Variants in RGS17 observed in about 807,000 individuals in gnomAD.
The protein encoded by RGS17 is regulator of G-protein signaling 17.
In RGS17, 12 loss-of-function variants were observed where a neutral mutation model predicts 25.5. The ratio of observed to expected loss-of-function variants is 0.47; its 90% CI spans 0.30 to 0.76. RGS17 has a LOEUF of 0.76. Ranked by LOEUF, RGS17 falls within the 30% of genes least tolerant of loss-of-function variation. The probability of loss-of-function intolerance (pLI) is 0.07; values close to 1 mark genes in which losing one functional copy is unlikely to be tolerated. For synonymous variants in RGS17, 71 were observed against 76.9 expected (o/e 0.92, Z 0.40); for missense variants, 196 against 242.2 (o/e 0.81, Z 1.27).
chr6:153,020,111 AATATATAT>A (rs1779227259), intron 4 of RGS17, among the ~76,000 whole-genome samples: 28 of 58,450 alleles, frequency 4.8e-4, no homozygotes, highest in South Asian at 8.7e-4. Flanking sequence ...AAAAAAAAAA[AATATATAT>A]ATATATATAT....
chr6:153,009,782 T>A lies in RGS17; in HGVS notation c.*1792A>T, dbSNP rs1779112914. 6.6e-6 allele frequency: 1 copy of A among 151,968 alleles called. No individual in the cohort carries two copies. Among genetic ancestry groups the A allele is most frequent in the Admixed American group, 6.5e-5 (1 of 15,268 alleles). 9.4% of individuals were successfully genotyped at this position (151,968 alleles called of 1,614,324 possible). Reference sequence around the variant, plus strand: ...ATTTTGTTTTCTACTCTGCAATTTTTAAAAAATCCCATTTTGTCAAACACT... The same window carrying A: ...ATTTTGTTTTCTACTCTGCAATTTTAAAAAAATCCCATTTTGTCAAACACT... On this transcript the variant is annotated 3_prime_UTR_variant, in exon 5 of 5. Coordinates refer to ENST00000206262, the MANE Select transcript of RGS17 (RefSeq NM_012419.5).
At chr6:153,120,878 A>C (rs1414641068) in intron 1 of RGS17, among the ~76,000 whole-genome samples, 1 of 152,116 alleles carries the variant, frequency 6.6e-6, no homozygotes, top group Non-Finnish European at 1.5e-5. Flanking sequence ...TCTATCTTTC[A>C]ATAATCCGAG....
intron 1 of RGS17, among the ~76,000 whole-genome samples, chr6:153,069,912 T>C (rs1043778339): frequency 6.6e-6 from 1 of 152,184 alleles, no homozygotes; most frequent in Non-Finnish European, 1.5e-5. Flanking sequence ...TTTAATATAA[T>C]GTATTCTCAG....
intron 1 of RGS17, among the ~76,000 whole-genome samples, chr6:153,122,299 A>T (rs1777643939): frequency 3.3e-5 from 5 of 152,182 alleles, no homozygotes. Flanking sequence ...ATCTTTTCAA[A>T]ATATTACATT....
intron 4 of RGS17, among the ~76,000 whole-genome samples, chr6:153,020,105 A>ATATATATAT (rs1469690646): frequency 4.3e-5 from 1 of 23,362 alleles, no homozygotes; most frequent in Non-Finnish European, 8.8e-5. Flanking sequence ...TATCTTAAAA[A>ATATATATAT]AAAAAAATAT....
intron 1 of RGS17, among the ~76,000 whole-genome samples, chr6:153,127,992 C>T (rs1474259385): frequency 6.6e-6 from 1 of 152,134 alleles, no homozygotes; most frequent in Non-Finnish European, 1.5e-5. Flanking sequence ...AAATGAATTT[C>T]TTTGGAAGTT....
Position 153,011,288 on chromosome 6 carries a change from T to TA in RGS17, c.*285dup, listed in dbSNP as rs1208377879. ...ACTTTGCACATGCAGTCTCTGGAGA[T>TA]ACACGAGGAGACTGTTCATAGGACT... On this transcript the variant is annotated 3_prime_UTR_variant, in exon 5 of 5. Transcript: ENST00000206262. The TA allele has an allele frequency of 1.0e-5, 3 of 298,858 alleles. No individual in the cohort carries two copies. Among genetic ancestry groups the TA allele is most frequent in the Non-Finnish European group, 1.8e-5 (3 of 162,714 alleles). 18.5% of individuals were successfully genotyped at this position (298,858 alleles called of 1,614,324 possible).
intron 4 of RGS17, among the ~76,000 whole-genome samples, chr6:153,013,827 G>C (rs886330318): frequency 6.6e-6 from 1 of 152,216 alleles, no homozygotes; most frequent in Non-Finnish European, 1.5e-5. Flanking sequence ...AGAGAGGTAA[G>C]GAAGCTGTGT....
intron 1 of RGS17, among the ~76,000 whole-genome samples, chr6:153,057,506 C>T (rs937691586): frequency 1.3e-5 from 2 of 152,122 alleles, no homozygotes; most frequent in Admixed American, 6.6e-5. Context: ...CCTCTGTTAT[C>T]AACTGGATGA....
At chr6:153,011,841 A>G in intron 4 of RGS17, 79 bp from the exon 5 acceptor site, 1 of 1,050,984 alleles carries the variant, frequency 9.5e-7, no homozygotes, top group African/African-American at 1.6e-5. Context: ...GGTTTGTGAC[A>G]TTTTAGAGAA....
In RGS17 at chr6:153,026,512, T is replaced by C. The variant is rs761548542; in HGVS notation, c.151A>G (p.Asn51Asp). 20 of 1,613,428 alleles carry C rather than the reference T, an allele frequency of 1.2e-5. No homozygotes were observed. The East Asian group carries it at 4.0e-4, about 32-fold the overall frequency. Residue 51 changes from asparagine (N) to aspartate (D), a missense_variant, in exon 3 of 5, where the codon AAT becomes GAT. Coordinates refer to ENST00000206262, the MANE Select transcript of RGS17 (RefSeq NM_012419.5). ...GTAGTGTGTGTGGGTCTTCCCGCATTTTCCCCTCTTTCTTCATTCCTCACA... is the reference window on the plus strand; with the variant it reads ...GTAGTGTGTGTGGGTCTTCCCGCATCTTCCCCTCTTTCTTCATTCCTCACA... The part of the protein sequence containing the change: ...LTVRNEERGE[N>D]AGRPTHTTKM...
At chr6:153,088,708 C>A (rs939699443) in intron 1 of RGS17, among the ~76,000 whole-genome samples, 2 of 151,928 alleles carry the variant, frequency 1.3e-5, no homozygotes, top group South Asian at 2.1e-4. Flanking sequence ...ATGAGAGATT[C>A]CTTATTTGCC....
chr6:153,105,829 G>A lies in RGS17; in HGVS notation c.-26+25295C>T, dbSNP rs533116202. Among the ~76,000 whole-genome samples, 281 of 152,296 alleles carry A rather than the reference G, an allele frequency of 1.8e-3. 1 individual carries two copies. Among genetic ancestry groups the A allele is most frequent in the African/African-American group, 6.4e-3 (266 of 41,564 alleles). On this transcript the variant is annotated intron_variant, in intron 1 of 4. Coordinates refer to ENST00000206262, the MANE Select transcript of RGS17 (RefSeq NM_012419.5). ...AGACAGGCAGAAGGAATCAGGGGAGGAGCCATGCAAAAATCTCTAGATTTC... is the reference window on the plus strand; with the variant it reads ...AGACAGGCAGAAGGAATCAGGGGAGAAGCCATGCAAAAATCTCTAGATTTC...
chr6:153,057,106 T>C (rs1776571924), intron 1 of RGS17, among the ~76,000 whole-genome samples: 1 of 151,928 alleles, frequency 6.6e-6, no homozygotes, highest in Admixed American at 6.6e-5. Flanking sequence ...AAGGGAAAAA[T>C]TAAGTCTGAA....
Position 153,076,348 on chromosome 6 carries a change from A to G in RGS17, c.-25-32305T>C, listed in dbSNP as rs573007518. Among the ~76,000 whole-genome samples, 306 of 152,288 alleles carry G rather than the reference A, an allele frequency of 2.0e-3. 1 individual carries two copies. The highest frequency in any genetic ancestry group is 3.6e-3 in the Non-Finnish European group (242 of 68,030). ...ATATTATCAACATAAGAGAAAAGAG[A>G]AATACAGAAGTTAAGAAAAACTGTA... On this transcript the variant is annotated intron_variant, in intron 1 of 4. Coordinates refer to ENST00000206262, the MANE Select transcript of RGS17 (RefSeq NM_012419.5).
chr6:153,019,247 C>T (rs1047949338), intron 4 of RGS17, among the ~76,000 whole-genome samples: 1 of 152,196 alleles, frequency 6.6e-6, no homozygotes, highest in East Asian at 1.9e-4. Flanking sequence ...GTCCTGGTAA[C>T]GACAACGCCA....
chr6:153,118,076 G>A (rs1252486672), intron 1 of RGS17, among the ~76,000 whole-genome samples: 1 of 152,214 alleles, frequency 6.6e-6, no homozygotes. Context: ...TTGTTAGGCA[G>A]AGGGAGTGGC....
At chr6:153,085,703 T>A (rs571385620) in intron 1 of RGS17, among the ~76,000 whole-genome samples, 5 of 152,222 alleles carry the variant, frequency 3.3e-5, no homozygotes, top group Non-Finnish European at 5.9e-5. Flanking sequence ...TAACGATGAA[T>A]GGCATTAATA....
intron 1 of RGS17, among the ~76,000 whole-genome samples, chr6:153,092,487 G>A (rs1248359907): frequency 6.6e-6 from 1 of 152,118 alleles, no homozygotes; most frequent in East Asian, 1.9e-4. Context: ...GAGTTAATGT[G>A]GTTGTTTTGT....
Sources: gnomAD v4.1 joint callset for allele counts (sites outside exome capture counted in the v4.1 genomes callset) on GRCh38, gnomAD v4.1.1 for gene constraint, MANE v1.5 for transcripts, NCBI Gene and HGNC (gene_info 2026-07-23, HGNC 2026-07-21) for gene names.